MACF1: variants seen among roughly 807,000 people sequenced by gnomAD.
MACF1 encodes the protein microtubule actin crosslinking factor 1, also known as microtubule-actin cross-linking factor 1.
A neutral mutation model predicts 854.8 loss-of-function variants in MACF1; 193 were observed. The observed-to-expected ratio is 0.23, with a 90% confidence interval of 0.20 to 0.25. MACF1 has a LOEUF of 0.25. MACF1 is among the 10% of genes least tolerant of loss of function. The probability of loss-of-function intolerance (pLI) is 1.00; values close to 1 mark genes in which losing one functional copy is unlikely to be tolerated. For missense variants in MACF1, 7,722 were observed against 8,929.1 expected (o/e 0.86, Z 5.45); for synonymous variants, 3,185 against 3,226.7 (o/e 0.99, Z 0.44).
chr1:39,340,693 C>G lies in MACF1; in HGVS notation c.10407C>G (p.Phe3469Leu), dbSNP rs777882508. ...SDTWNSRLLH[F>L]QNAVEIEKTK... ...CTTGGAATTCCAGGCTACTCCACTT[C>G]CAGAATGCTGTGGAAATAGAAAAGG... Residue 3469 changes from phenylalanine to leucine, a missense_variant, in exon 39 of 101, where the codon TTC (phenylalanine) becomes TTG (leucine). Around this residue, in one of 15 missense-constraint regions of MACF1, gnomAD observed 854 missense variants for 852.6 expected, o/e 1.00. Transcript: ENST00000564288. The G allele has an allele frequency of 1.9e-6, 3 of 1,614,146 alleles. No individual in the cohort carries two copies. The highest frequency in any genetic ancestry group is 2.5e-6 in the Non-Finnish European group (3 of 1,180,016).
Position 39,428,189 on chromosome 1 carries a change from G to A in MACF1, c.16705G>A (p.Val5569Met). ...GCTGTTTGGGGAGGATGAGGTGGAG[G>A]TGCTCAACTGGCTGGCTGAGGTTGA... ...ARLFGEDEVE[V>M]LNWLAEVEDK... The change falls in exon 63 of 101, where the codon GTG (valine) becomes ATG (methionine). Residue 5569 changes from valine to methionine, a missense_variant. Val to Met is a conservative substitution (Grantham distance 21, BLOSUM62 1). This residue lies in a region of MACF1 where 2,807 missense variants were observed against 3,235.8 expected (regional missense o/e 0.87). Transcript: ENST00000564288. 4 of 1,614,196 alleles carry A rather than the reference G, an allele frequency of 2.5e-6. No individual in the cohort carries two copies. The highest frequency in any genetic ancestry group is 3.4e-6 in the Non-Finnish European group (4 of 1,180,016).
intron 41 of MACF1, 21 bp from the exon 42 acceptor site, chr1:39,349,457 A>G: frequency 6.3e-7 from 1 of 1,598,398 alleles, no homozygotes; most frequent in Non-Finnish European, 8.5e-7. Context: ...ATGTCTCTTG[A>G]CCCCTTTGCA....
intron 58 of MACF1, among the ~76,000 whole-genome samples, chr1:39,389,349 G>GTTTTT (rs1557625833): frequency 5.7e-5 from 6 of 105,888 alleles, no homozygotes; most frequent in African/African-American, 2.3e-4. Context: ...TGGTTTTTGT[G>GTTTTT]TGTTTTTTTT....
Position 39,459,150 on chromosome 1 carries a change from C to T in MACF1, c.21261C>T (p.Asn7087=), listed in dbSNP as rs1173297072. The T allele has an allele frequency of 8.1e-6, 13 of 1,614,042 alleles. No homozygotes were observed. The highest frequency in any genetic ancestry group is 1.3e-5 in the African/African-American group (1 of 74,926). The change falls in exon 91 of 101, where the codon AAC becomes AAT. Residue 7087 remains asparagine, a synonymous_variant. Transcript: ENST00000564288. ...TCCTTTCACAGTCTGAAGCAAAAAA[C>T]CCACGGATCAACCAGCTTTCTGCCC... ...MPILSQSEAK[N]PRINQLSARW...
At chr1:39,388,743 T>C in intron 58 of MACF1, 85 bp downstream of exon 58, 1 of 1,289,780 alleles carries the variant, frequency 7.8e-7, no homozygotes, top group Non-Finnish European at 1.0e-6. Context: ...ACATTTTAAC[T>C]TCTGTCCCTA....
chr1:39,142,832 G>C (rs987347750), intron 2 of MACF1, among the ~76,000 whole-genome samples: 1 of 152,166 alleles, frequency 6.6e-6, no homozygotes, highest in African/African-American at 2.4e-5. Context: ...GGAGCACCTG[G>C]AGCACTCTTG....
rs1183626251 is a variant in MACF1 at position 39,291,818 on chromosome 1, ACCC to A, written c.1786-90_1786-88del. The A allele has an allele frequency of 2.2e-6, 3 of 1,349,846 alleles. No individual in the cohort carries two copies. The East Asian group carries it at 7.7e-5, about 35-fold the overall frequency. The allele number at this position is 1,349,846 out of a possible 1,614,324, so 83.6% of individuals were successfully genotyped here. On this transcript the variant is annotated intron_variant, in intron 15 of 100. Transcript: ENST00000564288. Reference sequence around the variant, plus strand: ...TGGATGTCCTTTTGCTCAGTCCTCTACCCCTTGGTTCCTTGTCCTAACATTGGT... The same window carrying A: ...TGGATGTCCTTTTGCTCAGTCCTCTACTTGGTTCCTTGTCCTAACATTGGT...
chr1:39,323,976 C>G (rs1035386733), intron 33 of MACF1, among the ~76,000 whole-genome samples: 2 of 151,996 alleles, frequency 1.3e-5, no homozygotes, highest in Non-Finnish European at 2.9e-5. Context: ...TTGTATTTTT[C>G]AGAAAGGTAT....
At chr1:39,229,314 A>G (rs1026751084) in intron 1 of MACF1, among the ~76,000 whole-genome samples, 6 of 152,356 alleles carry the variant, frequency 3.9e-5, no homozygotes, top group Non-Finnish European at 8.8e-5. Context: ...GGATAAAACC[A>G]GAGACCAAGA....
intron 29 of MACF1, 111 bp downstream of exon 29, chr1:39,317,518 G>A: frequency 3.3e-6 from 4 of 1,227,684 alleles, no homozygotes; most frequent in Non-Finnish European, 4.4e-6. Flanking sequence ...GGATAGGGAG[G>A]GGTGGAAATT....
intron 58 of MACF1, chr1:39,414,546 G>A (rs769916346): frequency 6.3e-7 from 1 of 1,593,120 alleles, no homozygotes; most frequent in Non-Finnish European, 8.6e-7. Context: ...TGACCTGGTG[G>A]TGATGAGAAA....
intron 44 of MACF1, among the ~76,000 whole-genome samples, chr1:39,357,016 G>T (rs1198896118): frequency 6.6e-6 from 1 of 152,160 alleles, no homozygotes; most frequent in Non-Finnish European, 1.5e-5. Flanking sequence ...GACTGATATT[G>T]GTGATTTCTG....
intron 38 of MACF1, among the ~76,000 whole-genome samples, chr1:39,339,344 T>G (rs1646886728): frequency 6.6e-6 from 1 of 152,146 alleles, no homozygotes; most frequent in Admixed American, 6.5e-5. Flanking sequence ...TGAAAAAGTC[T>G]AACTGGAGAT....
intron 15 of MACF1, among the ~76,000 whole-genome samples, chr1:39,289,752 G>T (rs1256134430): frequency 9.7e-6 from 1 of 103,046 alleles, no homozygotes; most frequent in Admixed American, 1.6e-4. Context: ...CTGTCTCCCA[G>T]GCTGGAGTGC....
chr1:39,211,441 T>A (rs1644515156), intron 1 of MACF1, among the ~76,000 whole-genome samples: 4 of 152,218 alleles, frequency 2.6e-5, no homozygotes, highest in South Asian at 4.1e-4. Flanking sequence ...TTAAAAAAAA[T>A]TTCATATATA....
At chr1:39,281,000 C>G (rs981993027) in intron 6 of MACF1, among the ~76,000 whole-genome samples, 1 of 152,172 alleles carries the variant, frequency 6.6e-6, no homozygotes, top group Non-Finnish European at 1.5e-5. Context: ...ATTTGTTGAG[C>G]ATAACCCTGA....
At chr1:39,138,380 G>A (rs181064054) in intron 2 of MACF1, among the ~76,000 whole-genome samples, 33 of 151,732 alleles carry the variant, frequency 2.2e-4, no homozygotes, top group African/African-American at 7.5e-4. Context: ...TCAGGAGATC[G>A]AGACTACCCT....
chr1:39,113,485 C>T lies in MACF1; in HGVS notation c.220+29047C>T, dbSNP rs566376756. 1.1e-3 allele frequency among the ~76,000 whole-genome samples: 170 copies of T among 152,118 alleles called. 1 individual carries two copies. Among genetic ancestry groups the T allele is most frequent in the Middle Eastern group, 3.4e-3 (1 of 294 alleles). ...AAATTTGCCATGGTAAGAGGGAATC[C>T]AACAGTACATCTGGCAATGCTCTTG... On this transcript the variant is annotated intron_variant, in intron 2 of 93. Coordinates refer to the MACF1 transcript ENST00000361689.
At chr1:39,325,511 G>A (rs986994462) in intron 35 of MACF1, among the ~76,000 whole-genome samples, 1 of 152,138 alleles carries the variant, frequency 6.6e-6, no homozygotes, top group African/African-American at 2.4e-5. Flanking sequence ...TGAAATATAT[G>A]GTCAAGAAGG....
Sources: allele counts gnomAD v4.1 joint callset (sites outside exome capture counted in the v4.1 genomes callset), GRCh38; gene constraint gnomAD v4.1.1; regional missense constraint gnomAD v4.1.1; transcripts MANE v1.5; gene names NCBI Gene and HGNC (gene_info 2026-07-23, HGNC 2026-07-21).